Variants in HMGCLL1 observed in about 807,000 individuals in gnomAD.
HMGCLL1 encodes 3-hydroxymethyl-3-methylglutaryl-CoA lyase, cytoplasmic.
HMGCLL1 carries 36 observed loss-of-function variants against 39.1 expected under a neutral mutation model. The observed-to-expected ratio is 0.92, with a 90% CI of 0.71 to 1.22. HMGCLL1 has a LOEUF of 1.22. Among genes scored for constraint, HMGCLL1 ranks in the 50% most tolerant of loss-of-function variants. The pLI, the probability that HMGCLL1 is intolerant of heterozygous loss-of-function variation, is 0.00. For synonymous variants in HMGCLL1, 149 were observed against 144.0 expected (o/e 1.03, Z -0.25); for missense variants, 451 against 416.5 (o/e 1.08, Z -0.72).
chr6:55,450,409 T>C (rs979222653), intron 7 of HMGCLL1, among the ~76,000 whole-genome samples: 37 of 152,200 alleles, frequency 2.4e-4, no homozygotes, highest in African/African-American at 8.7e-4. Flanking sequence ...ATTTTAACTG[T>C]GTGATTTTGA....
At chr6:55,642,034 A>G in the HMGCLL1 span, among the ~76,000 whole-genome samples, 3 of 133,900 alleles carry the variant, frequency 2.2e-5, no homozygotes, top group Non-Finnish European at 4.8e-5. Context: ...CATTAGGTAT[A>G]TCTCCCAATG....
intron 7 of HMGCLL1, among the ~76,000 whole-genome samples, chr6:55,462,296 T>C (rs566626953): frequency 6.6e-6 from 1 of 152,258 alleles, no homozygotes; most frequent in African/African-American, 2.4e-5. Flanking sequence ...CTCATCTTTA[T>C]CTGTTGCAAC....
intron 7 of HMGCLL1, among the ~76,000 whole-genome samples, chr6:55,495,038 GT>G (rs1394204951): frequency 6.6e-6 from 1 of 152,130 alleles, no homozygotes; most frequent in Admixed American, 6.5e-5. Context: ...AGAAAGCATT[GT>G]TTCATGATTA....
intron 1 of HMGCLL1, among the ~76,000 whole-genome samples, chr6:55,548,849 G>GA (rs1561955185): frequency 6.7e-6 from 1 of 148,812 alleles, no homozygotes; most frequent in African/African-American, 2.5e-5. Flanking sequence ...CAAAATAATA[G>GA]AAAAAACAAA....
intron 7 of HMGCLL1, among the ~76,000 whole-genome samples, chr6:55,465,552 T>C (rs1243630080): frequency 6.6e-6 from 1 of 152,100 alleles, no homozygotes; most frequent in Non-Finnish European, 1.5e-5. Context: ...TGATACTATT[T>C]CTAAGAGTTA....
chr6:55,575,827 C>T (rs533824405), intron 1 of HMGCLL1, among the ~76,000 whole-genome samples: 6 of 152,168 alleles, frequency 3.9e-5, no homozygotes, highest in Admixed American at 1.3e-4. Flanking sequence ...ATACCATGTC[C>T]CCATTCTCAC....
At chr6:55,508,763 C>T (rs1252453396) in intron 5 of HMGCLL1, among the ~76,000 whole-genome samples, 1 of 151,786 alleles carries the variant, frequency 6.6e-6, no homozygotes, top group African/African-American at 2.4e-5. Flanking sequence ...TAAACATATA[C>T]CATTCAACCA....
intron 7 of HMGCLL1, among the ~76,000 whole-genome samples, chr6:55,448,401 G>T (rs1168185287): frequency 6.6e-6 from 1 of 150,592 alleles, no homozygotes; most frequent in Non-Finnish European, 1.5e-5. Context: ...AGGAGAAAAT[G>T]GAAGATAAAA....
intron 1 of HMGCLL1, chr6:55,566,639 G>A (rs1281787967): frequency 4.4e-6 from 2 of 455,946 alleles, no homozygotes; most frequent in Non-Finnish European, 8.8e-6. Context: ...CTGTAAAATA[G>A]AGTCATGTGA....
chr6:55,653,960 G>A, the HMGCLL1 span, among the ~76,000 whole-genome samples: 1 of 152,064 alleles, frequency 6.6e-6, no homozygotes, highest in African/African-American at 2.4e-5. Flanking sequence ...TGTTGAGTTT[G>A]ACATTGAGAT....
At chr6:55,655,313 G>A in the HMGCLL1 span, among the ~76,000 whole-genome samples, 9 of 151,716 alleles carry the variant, frequency 5.9e-5, no homozygotes, top group East Asian at 5.9e-4. Context: ...ACCTTAATAC[G>A]TATGTATTAT....
At chr6:55,496,282 T>G (rs1766573478) in intron 6 of HMGCLL1, among the ~76,000 whole-genome samples, 1 of 152,156 alleles carries the variant, frequency 6.6e-6, no homozygotes, top group Non-Finnish European at 1.5e-5. Context: ...ATTTTTCTCA[T>G]TTACTATAAA....
intron 7 of HMGCLL1, among the ~76,000 whole-genome samples, chr6:55,448,152 G>A (rs898933481): frequency 5.9e-5 from 9 of 151,998 alleles, no homozygotes; most frequent in Non-Finnish European, 1.2e-4. Context: ...GAAATATTCA[G>A]ATAGATTGAT....
chr6:55,457,090 A>G (rs1443553841), intron 7 of HMGCLL1, among the ~76,000 whole-genome samples: 1 of 152,084 alleles, frequency 6.6e-6, no homozygotes, highest in Non-Finnish European at 1.5e-5. Flanking sequence ...CCTACATTCA[A>G]TTATTTTTGT....
the HMGCLL1 span, among the ~76,000 whole-genome samples, chr6:55,590,647 T>A: frequency 1.3e-5 from 2 of 151,730 alleles, no homozygotes; most frequent in South Asian, 2.1e-4. Flanking sequence ...TCATAAAATT[T>A]TCTGATTTCA....
At chr6:55,499,337 T>C (rs755023689) in intron 5 of HMGCLL1, 38 bp from the exon 6 acceptor site, 2 of 1,411,242 alleles carry the variant, frequency 1.4e-6, no homozygotes, top group Non-Finnish European at 1.9e-6. Context: ...ATGCATATGG[T>C]AAATAAGCCA....
At chr6:55,484,048 A>G (rs1404090284) in intron 7 of HMGCLL1, among the ~76,000 whole-genome samples, 3 of 152,322 alleles carry the variant, frequency 2.0e-5, no homozygotes, top group African/African-American at 7.2e-5. Flanking sequence ...GAATAAAAAT[A>G]AAGTCCAGTT....
intron 3 of HMGCLL1, among the ~76,000 whole-genome samples, chr6:55,527,644 C>T (rs2127446254): frequency 6.6e-6 from 1 of 152,018 alleles, no homozygotes; most frequent in South Asian, 2.1e-4. Flanking sequence ...CTGATAAGAC[C>T]TCTCCTACAG....
At chr6:55,439,252 G>A (rs959708421) in intron 8 of HMGCLL1, among the ~76,000 whole-genome samples, 182 bp downstream of exon 8, 2 of 152,086 alleles carry the variant, frequency 1.3e-5, no homozygotes, top group Non-Finnish European at 2.9e-5. Context: ...TTGAGCTATA[G>A]CAATGAGTTA....
Sources: gnomAD v4.1 joint callset for allele counts (sites outside exome capture counted in the v4.1 genomes callset) on GRCh38, gnomAD v4.1.1 for gene constraint, MANE v1.5 for transcripts, NCBI Gene and HGNC (gene_info 2026-07-23, HGNC 2026-07-21) for gene names.